Variants in CATSPERT observed in about 807,000 individuals in gnomAD.
CATSPERT encodes the protein cation channel sperm-associated targeting subunit tau.
chr2:201,492,977 T>C, the CATSPERT span: 5 of 1,536,526 alleles, frequency 3.3e-6, no homozygotes, highest in Non-Finnish European at 3.5e-6. Flanking sequence ...CTGTCTAATT[T>C]GTCTGCTTTA....
chr2:201,490,747 G>A, the CATSPERT span, among the ~76,000 whole-genome samples: 1 of 152,024 alleles, frequency 6.6e-6, no homozygotes, highest in Admixed American at 6.6e-5. Flanking sequence ...GTTTTGAGAC[G>A]GGGTCTCACT....
the CATSPERT span, among the ~76,000 whole-genome samples, chr2:201,564,187 C>A: frequency 6.6e-6 from 1 of 152,210 alleles, no homozygotes; most frequent in Non-Finnish European, 1.5e-5. Flanking sequence ...ACTAACCCCC[C>A]TCACAAGAAC....
chr2:201,598,635 G>A, the CATSPERT span, among the ~76,000 whole-genome samples: 8 of 151,916 alleles, frequency 5.3e-5, no homozygotes, highest in Non-Finnish European at 7.4e-5. Context: ...AGGCTGGAGT[G>A]CAGTAGTGCC....
chr2:201,538,531 T>A, the CATSPERT span, among the ~76,000 whole-genome samples: 1 of 152,148 alleles, frequency 6.6e-6, no homozygotes, highest in African/African-American at 2.4e-5. Flanking sequence ...ATTTTGATAA[T>A]TCTCAAAATA....
the CATSPERT span, among the ~76,000 whole-genome samples, chr2:201,498,286 G>A: frequency 1.3e-5 from 2 of 152,174 alleles, no homozygotes; most frequent in African/African-American, 4.8e-5. Context: ...CCCTCAGTCT[G>A]TAGCTGAATG....
At chr2:201,590,298 C>A in the CATSPERT span, among the ~76,000 whole-genome samples, 4 of 151,854 alleles carry the variant, frequency 2.6e-5, no homozygotes, top group Admixed American at 2.6e-4. Flanking sequence ...ATCCATGTCC[C>A]TACAAAGGAC....
At chr2:201,589,029 C>G in the CATSPERT span, among the ~76,000 whole-genome samples, 2 of 152,130 alleles carry the variant, frequency 1.3e-5, no homozygotes, top group African/African-American at 4.8e-5. Flanking sequence ...AATAAAATAC[C>G]TAGGAGTACA....
At chr2:201,546,942 G>A in the CATSPERT span, among the ~76,000 whole-genome samples, 156 of 152,224 alleles carry the variant, frequency 1.0e-3, no homozygotes, top group African/African-American at 3.6e-3. Context: ...GTTATCTGGA[G>A]AGAGAAAAGA....
At chr2:201,610,374 C>T in the CATSPERT span, among the ~76,000 whole-genome samples, 1 of 151,510 alleles carries the variant, frequency 6.6e-6, no homozygotes. Flanking sequence ...AGGAGAATGG[C>T]GTGAACCTGG....
the CATSPERT span, among the ~76,000 whole-genome samples, chr2:201,609,981 CTA>C: frequency 1.3e-5 from 2 of 152,120 alleles, no homozygotes; most frequent in Non-Finnish European, 2.9e-5. Flanking sequence ...GGAAATATAA[CTA>C]TGTCACAGAC....
the CATSPERT span, among the ~76,000 whole-genome samples, chr2:201,577,447 A>C: frequency 6.6e-6 from 1 of 152,228 alleles, no homozygotes; most frequent in Non-Finnish European, 1.5e-5. Flanking sequence ...AGATATCTGC[A>C]CTCATGTCAG....
At chr2:201,529,157 A>C in the CATSPERT span, among the ~76,000 whole-genome samples, 1 of 152,162 alleles carries the variant, frequency 6.6e-6, no homozygotes, top group Non-Finnish European at 1.5e-5. Context: ...TAATATTTTT[A>C]AAACATCCAT....
chr2:201,565,735 C>T, the CATSPERT span: 76 of 1,550,472 alleles, frequency 4.9e-5, no homozygotes, highest in South Asian at 8.8e-5. Flanking sequence ...TTACCTTTCC[C>T]GGGGTTGTTG....
At chr2:201,554,706 A>G in the CATSPERT span, 2 of 152,216 alleles carry the variant, frequency 1.3e-5, no homozygotes, top group African/African-American at 4.8e-5. Flanking sequence ...ATTCTTAATC[A>G]TAACATTTAC....
At chr2:201,565,948 T>C in the CATSPERT span, 2 of 1,346,968 alleles carry the variant, frequency 1.5e-6, no homozygotes, top group South Asian at 3.2e-5. Flanking sequence ...GCTATCACTT[T>C]TGAACCCTTC....
chr2:201,615,590 C>T, the CATSPERT span, among the ~76,000 whole-genome samples: 1 of 152,008 alleles, frequency 6.6e-6, no homozygotes. Flanking sequence ...ACTAAATGCC[C>T]ACAAGAGAAA....
chr2:201,540,538 T>G, the CATSPERT span, among the ~76,000 whole-genome samples: 6 of 152,194 alleles, frequency 3.9e-5, no homozygotes, highest in Non-Finnish European at 8.8e-5. Flanking sequence ...GCTCTATAAA[T>G]GGAACAACAA....
the CATSPERT span, among the ~76,000 whole-genome samples, chr2:201,520,596 G>C: frequency 9.9e-5 from 15 of 152,146 alleles, no homozygotes; most frequent in Admixed American, 7.2e-4. Flanking sequence ...AAGGATTAAA[G>C]TTCATTGAGG....
chr2:201,492,123 T>C, the CATSPERT span: 2 of 1,525,340 alleles, frequency 1.3e-6, no homozygotes, highest in Admixed American at 2.1e-5. Flanking sequence ...TCAATTCTGC[T>C]TCTCTAAGTT....
Sources: allele counts gnomAD v4.1 joint callset (sites outside exome capture counted in the v4.1 genomes callset), GRCh38; gene constraint gnomAD v4.1.1; transcripts MANE v1.5; gene names NCBI Gene and HGNC (gene_info 2026-07-23, HGNC 2026-07-21).